TMOD2: variants seen among roughly 807,000 people sequenced by gnomAD.
TMOD2 encodes the protein tropomodulin 2, also known as tropomodulin-2.
A neutral mutation model predicts 39.9 loss-of-function variants in TMOD2; 22 were observed. The ratio of observed to expected loss-of-function variants is 0.55; its 90% CI spans 0.39 to 0.79. The LOEUF is 0.79. Ranked by LOEUF, TMOD2 falls within the 30% of genes least tolerant of loss-of-function variation. The pLI is 0.00. For missense variants in TMOD2, 386 were observed against 413.3 expected, an observed-to-expected ratio of 0.93 and a Z score of 0.57; for synonymous variants, 123 against 146.1, an observed-to-expected ratio of 0.84 and a Z score of 1.14.
At position 51,766,459 on chromosome 15, in the gene TMOD2, A is replaced by G. The variant is rs1318607827; in HGVS notation, c.18A>G (p.Gln6=). The G allele has an allele frequency of 1.2e-6, 2 of 1,614,086 alleles. No homozygotes were observed. Among genetic ancestry groups the G allele is most frequent in the Non-Finnish European group, 1.7e-6 (2 of 1,179,972 alleles). MALPF[Q]KELEKYKNID... ...AAGAAGCCATGGCACTCCCCTTTCA[A>G]AAAGAGCTGGAGAAATACAAGAACA... Residue 6 remains glutamine, a synonymous_variant, in exon 2 of 10, where the codon CAA becomes CAG. Transcript: ENST00000249700.
rs1567249492 is a variant in TMOD2 at position 51,806,388 on chromosome 15, G to T, written c.888G>T (p.Leu296Phe). The T allele has an allele frequency of 6.2e-7, 1 of 1,614,158 alleles. No homozygotes were observed. The highest frequency in any genetic ancestry group is 8.5e-7 in the Non-Finnish European group (1 of 1,179,994). ...EIKIDNQRQQLGTAVEMEIAQ... is the reference protein window; with the variant it reads ...EIKIDNQRQQFGTAVEMEIAQ... The stretch of plus-strand genomic sequence containing the variant: ...GCACCTGCAACCAGAGGCAGCAGTT[G>T]GGAACAGCTGTAGAGATGGAAATTG... The change falls in exon 9 of 10, where the codon TTG becomes TTT. Residue 296 changes from leucine (L) to phenylalanine (F), a missense_variant. Leu to Phe is a conservative substitution (Grantham distance 22). Coordinates refer to ENST00000249700, the MANE Select transcript of TMOD2 (RefSeq NM_014548.4).
At chr15:51,767,721 G>C (rs2055825361) in intron 2 of TMOD2, among the ~76,000 whole-genome samples, 2 of 151,950 alleles carry the variant, frequency 1.3e-5, no homozygotes, top group African/African-American at 4.8e-5. Flanking sequence ...ATGGTATTCT[G>C]ATATGTCAGA....
At chr15:51,790,960 T>A (rs1261581331) in intron 7 of TMOD2, among the ~76,000 whole-genome samples, 3 of 152,108 alleles carry the variant, frequency 2.0e-5, no homozygotes, top group African/African-American at 4.8e-5. Flanking sequence ...AAGGATGCCC[T>A]CTCTCACCAC....
At chr15:51,759,588 G>T (rs1483448573) in intron 1 of TMOD2, among the ~76,000 whole-genome samples, 1 of 152,162 alleles carries the variant, frequency 6.6e-6, no homozygotes, top group Non-Finnish European at 1.5e-5. Context: ...CTATGTTGCT[G>T]GATTGAGCAA....
chr15:51,791,460 C>T (rs2056011365), intron 7 of TMOD2, among the ~76,000 whole-genome samples: 1 of 152,212 alleles, frequency 6.6e-6, no homozygotes, highest in African/African-American at 2.4e-5. Context: ...AACACTATCC[C>T]CATCCAGCTA....
chr15:51,800,421 A>G (rs2056079708), intron 8 of TMOD2, among the ~76,000 whole-genome samples: 1 of 152,296 alleles, frequency 6.6e-6, no homozygotes, highest in East Asian at 1.9e-4. Context: ...CTATAATCCC[A>G]GCTACTGGGG....
At chr15:51,765,845 G>A (rs2055812957) in intron 1 of TMOD2, among the ~76,000 whole-genome samples, 1 of 152,188 alleles carries the variant, frequency 6.6e-6, no homozygotes, top group Non-Finnish European at 1.5e-5. Flanking sequence ...ACTGGACAAT[G>A]CTTTCTCACA....
rs558642123 is a variant in TMOD2, at chr15:51,762,301, A to T, written c.-69-4072A>T. ...GTGAGATCCTGTATCTTCAAAAAAT[A>T]AAAAAAAAATAGCCCGGCATGGTGG... On this transcript the variant is annotated intron_variant, in intron 1 of 9. Coordinates refer to ENST00000249700, the MANE Select transcript of TMOD2 (RefSeq NM_014548.4). 7.6e-4 allele frequency among the ~76,000 whole-genome samples: 113 copies of T among 148,640 alleles called. 2 individuals carry two copies. The South Asian group carries it at 0.023, about 31-fold the overall frequency.
chr15:51,776,866 A>G (rs553759238), intron 4 of TMOD2, 66 bp from the exon 5 acceptor site: 28 of 1,316,200 alleles, frequency 2.1e-5, no homozygotes, highest in South Asian at 1.3e-4. Flanking sequence ...TCAAGGGACA[A>G]ATTAACAATG....
intron 5 of TMOD2, among the ~76,000 whole-genome samples, chr15:51,779,852 T>A (rs1197322206): frequency 6.6e-6 from 1 of 152,068 alleles, no homozygotes. Flanking sequence ...GGCTAATTTT[T>A]AAAATTTATT....
Position 51,798,446 on chromosome 15 carries a change from A to G in TMOD2, c.876+106A>G, listed in dbSNP as rs542216090. 1.1e-5 allele frequency: 14 copies of G among 1,332,148 alleles called. No homozygotes were observed. The South Asian group carries it at 1.1e-4, about 10-fold the overall frequency. The allele number at this position is 1,332,148 out of a possible 1,614,324, so 82.5% of individuals were successfully genotyped here. A position where few individuals can be genotyped will look rare whatever the true frequency, so the allele number is the denominator to read the frequency against. On this transcript the variant is annotated intron_variant, in intron 8 of 9. Coordinates refer to ENST00000249700, the MANE Select transcript of TMOD2 (RefSeq NM_014548.4). ...AAGACACAGTTCTGTGTGTGACTCA[A>G]TTTGATGTACTGGATTTCCTGTAAG...
At chr15:51,796,123 C>T (rs759659384) in intron 7 of TMOD2, among the ~76,000 whole-genome samples, 2 of 151,866 alleles carry the variant, frequency 1.3e-5, no homozygotes, top group Non-Finnish European at 2.9e-5. Flanking sequence ...TTTGTATAAT[C>T]CAGGATCATT....
intron 1 of TMOD2, 55 bp downstream of exon 1, chr15:51,751,767 C>T (rs1277218628): frequency 1.3e-5 from 2 of 150,738 alleles, no homozygotes; most frequent in African/African-American, 2.4e-5. Flanking sequence ...TGTCTGCAGC[C>T]CCCGGGCCCG....
At position 51,768,257 on chromosome 15, in the gene TMOD2, G is replaced by T. The variant is rs553878331; in HGVS notation, c.127-5G>T. On this transcript the variant is annotated splice_region_variant and splice_polypyrimidine_tract_variant and intron_variant, in intron 2 of 9. Transcript: ENST00000249700. Reference sequence around the variant, plus strand: ...TCCTTCCTGCTCACACCTCTTTCTTGTCAGAGTGCCATGCTGCCAGCTGGA... The same window carrying T: ...TCCTTCCTGCTCACACCTCTTTCTTTTCAGAGTGCCATGCTGCCAGCTGGA... 6.2e-7 allele frequency: 1 copy of T among 1,614,054 alleles called. No homozygotes were observed. The highest frequency in any genetic ancestry group is 2.2e-5 in the East Asian group (1 of 44,888).
intron 3 of TMOD2, among the ~76,000 whole-genome samples, chr15:51,773,118 C>T (rs921954009): frequency 1.3e-5 from 2 of 152,142 alleles, no homozygotes; most frequent in African/African-American, 2.4e-5. Context: ...CCAGGCTCCC[C>T]CACAAATAGC....
chr15:51,789,402 A>T (rs552013114), intron 7 of TMOD2, among the ~76,000 whole-genome samples: 2 of 152,314 alleles, frequency 1.3e-5, no homozygotes, highest in East Asian at 3.9e-4. Context: ...CTCCCACACG[A>T]TAATAATGGG....
intron 4 of TMOD2, among the ~76,000 whole-genome samples, chr15:51,776,442 G>T (rs746665025): frequency 4.6e-5 from 7 of 152,136 alleles, no homozygotes; most frequent in Non-Finnish European, 1.0e-4. Flanking sequence ...TGCTGATGTT[G>T]CTTTTTTTTC....
chr15:51,761,327 G>T (rs1285153866), intron 1 of TMOD2, among the ~76,000 whole-genome samples: 2 of 152,196 alleles, frequency 1.3e-5, no homozygotes, highest in Non-Finnish European at 2.9e-5. Context: ...AGAGTCTGAA[G>T]CTGGTCTGAG....
chr15:51,801,447 T>C (rs941356185), intron 8 of TMOD2, among the ~76,000 whole-genome samples: 5 of 152,202 alleles, frequency 3.3e-5, no homozygotes, highest in African/African-American at 4.8e-5. Flanking sequence ...GTAACCTCAG[T>C]TTCCTTATCT....
Sources: gnomAD v4.1 joint callset for allele counts (sites outside exome capture counted in the v4.1 genomes callset) on GRCh38, gnomAD v4.1.1 for gene constraint, MANE v1.5 for transcripts, NCBI Gene and HGNC (gene_info 2026-07-23, HGNC 2026-07-21) for gene names.